Variants in MSH5 observed in about 807,000 individuals in gnomAD.
MSH5 encodes the protein mutS homolog 5.
MSH5 carries 78 observed loss-of-function variants against 107.7 expected under a neutral mutation model. The ratio of observed to expected loss-of-function variants is 0.72; its 90% CI spans 0.60 to 0.87. MSH5 has a LOEUF of 0.87. MSH5 is among the 40% of genes least tolerant of loss of function. MSH5 has a pLI of 0.00. For synonymous variants in MSH5, 326 were observed against 399.5 expected (o/e 0.82, Z 2.19); for missense variants, 889 against 1,046.6 (o/e 0.85, Z 2.08).
Position 31,758,238 on chromosome 6 carries a change from T to C in MSH5, c.1088T>C (p.Ile363Thr). The C allele has an allele frequency of 6.2e-7, 1 of 1,613,036 alleles. No homozygotes were observed. Among genetic ancestry groups the C allele is most frequent in the Non-Finnish European group, 8.5e-7 (1 of 1,180,032 alleles). Residue 363 changes from isoleucine to threonine, a missense_variant, in exon 13 of 25, where the codon ATT (isoleucine) becomes ACT (threonine). Ile to Thr is a moderately conservative substitution (Grantham distance 89). This residue lies in a region of MSH5 where 518 missense variants were observed against 565.0 expected (regional missense o/e 0.92). Transcript: ENST00000375750. This position sits in a 1 kb window ranked among gnomAD's most constrained non-coding sequence, Gnocchi z 5.1. ...LPQSIQLFRD[I>T]AQEFSDDLHH... ...CAGTCCATCCAGCTCTTTCGGGACA[T>C]TGCCCAAGAGTTCTCTGATGACCTG...
chr6:31,741,363 ACACACAC>A, intron 3 of MSH5, 77 bp downstream of exon 3: 1 of 1,377,400 alleles, frequency 7.3e-7, no homozygotes, highest in East Asian at 2.4e-5. Context: ...ACACACACAC[ACACACAC>A]ACACACACAC....
Position 31,761,120 on chromosome 6 carries a change from G to A in MSH5, c.1963-68G>A. On this transcript the variant is annotated intron_variant, in intron 20 of 24. Transcript: ENST00000375750. This position sits in a 1 kb window ranked among gnomAD's most constrained non-coding sequence, Gnocchi z 5.3. Reference sequence around the variant, plus strand: ...GGCATGTATACAGCTTTATTCACAGGCCAACTGTGGTCAGTGCGTTACGGG... The same window carrying A: ...GGCATGTATACAGCTTTATTCACAGACCAACTGTGGTCAGTGCGTTACGGG... 6.8e-7 allele frequency: 1 copy of A among 1,478,238 alleles called. No individual in the cohort carries two copies. Among genetic ancestry groups the A allele is most frequent in the Non-Finnish European group, 9.3e-7 (1 of 1,071,806 alleles). The allele number at this position is 1,478,238 out of a possible 1,614,324, so 91.6% of individuals were successfully genotyped here.
chr6:31,747,108 C>T (rs1017901563), intron 9 of MSH5, among the ~76,000 whole-genome samples: 24 of 152,192 alleles, frequency 1.6e-4, no homozygotes, highest in African/African-American at 5.3e-4. Context: ...CGTGAGCCAC[C>T]GTGCCTGGCC....
chr6:31,752,029 G>A (rs1015341604), intron 10 of MSH5, among the ~76,000 whole-genome samples: 1 of 152,064 alleles, frequency 6.6e-6, no homozygotes, highest in Non-Finnish European at 1.5e-5. Context: ...AGCCTGTGAG[G>A]CAGAGGTTGC....
intron 12 of MSH5, chr6:31,757,836 A>AT (rs5875332): frequency 0.081 from 32,108 of 394,148 alleles, 1,882 homozygotes; most frequent in African/African-American, 0.2. Context: ...AGCCCAGTTA[A>AT]TTTTTGTATT....
At chr6:31,741,059 C>A in intron 2 of MSH5, 104 bp from the exon 3 acceptor site, 1 of 1,409,508 alleles carries the variant, frequency 7.1e-7, no homozygotes, top group East Asian at 2.3e-5. Flanking sequence ...GGTGATGATG[C>A]CTATCTCAGA....
intron 12 of MSH5, among the ~76,000 whole-genome samples, chr6:31,754,715 C>T (rs1425437716): frequency 6.6e-6 from 1 of 151,160 alleles, no homozygotes; most frequent in East Asian, 1.9e-4. Flanking sequence ...GCCATTATAT[C>T]ATTTCATCCA....
intron 12 of MSH5, chr6:31,753,888 G>T: frequency 2.5e-6 from 1 of 407,686 alleles, no homozygotes; most frequent in Non-Finnish European, 4.6e-6. Context: ...ACCATGCCTG[G>T]CAAATTTTTG....
At chr6:31,750,867 T>C (rs1015183466) in intron 10 of MSH5, among the ~76,000 whole-genome samples, 3 of 152,202 alleles carry the variant, frequency 2.0e-5, no homozygotes, top group East Asian at 3.8e-4. Context: ...CCTTAGTACT[T>C]GTTCTATGTA....
chr6:31,761,932 A>G lies in MSH5; in HGVS notation c.2296A>G (p.Lys766Glu), dbSNP rs781259202. Residue 766 changes from lysine to glutamate, a missense_variant, in exon 23 of 25, where the codon AAG becomes GAG. Lys to Glu is a moderately conservative substitution (Grantham distance 56). Coordinates refer to ENST00000375750, the MANE Select transcript of MSH5 (RefSeq NM_172166.4). The surrounding 1 kb of genome is among the most constrained non-coding windows in gnomAD (Gnocchi z 5.3). ...AGCTGCCCAGGCTGGGCTTCCTGACAAGCTTGTGGCTCGTGGCAAGGAGGT... is the reference window on the plus strand; with the variant it reads ...AGCTGCCCAGGCTGGGCTTCCTGACGAGCTTGTGGCTCGTGGCAAGGAGGT... ...HTAAQAGLPD[K>E]LVARGKEVSD... The G allele has an allele frequency of 1.2e-6, 2 of 1,613,798 alleles. No homozygotes were observed. Among genetic ancestry groups the G allele is most frequent in the Non-Finnish European group, 1.7e-6 (2 of 1,180,022 alleles).
intron 12 of MSH5, among the ~76,000 whole-genome samples, chr6:31,754,212 C>T (rs1404432487): frequency 3.3e-5 from 5 of 150,658 alleles, no homozygotes; most frequent in African/African-American, 7.4e-5. Flanking sequence ...TGCAGTGGTG[C>T]GATCTCGGCT....
chr6:31,741,101 A>G (rs914521796), intron 2 of MSH5, 62 bp from the exon 3 acceptor site: 2 of 1,576,980 alleles, frequency 1.3e-6, no homozygotes, highest in South Asian at 1.1e-5. Context: ...TATATAAGAC[A>G]TGGTAAACCC....
At chr6:31,762,310 A>G in intron 24 of MSH5, 110 bp from the exon 25 acceptor site, 1 of 1,364,936 alleles carries the variant, frequency 7.3e-7, no homozygotes, top group Non-Finnish European at 1.0e-6. Flanking sequence ...TCTTTCTGAA[A>G]TCCCTAAATC....
chr6:31,747,524 CACAT>C (rs1308410928), intron 10 of MSH5, 92 bp downstream of exon 10: 18 of 1,295,260 alleles, frequency 1.4e-5, no homozygotes, highest in Non-Finnish European at 2.0e-5. Flanking sequence ...TACAGATTCT[CACAT>C]ACACCACCCC....
intron 8 of MSH5, 40 bp from the exon 9 acceptor site, chr6:31,745,197 A>C: frequency 1.5e-6 from 2 of 1,301,386 alleles, no homozygotes; most frequent in Non-Finnish European, 2.2e-6. Flanking sequence ...TCCCTTCAAA[A>C]GTCCAAGTTA....
intron 3 of MSH5, 115 bp downstream of exon 3, chr6:31,741,401 CAG>C: frequency 1.5e-6 from 2 of 1,378,906 alleles, no homozygotes; most frequent in African/African-American, 1.4e-5. Flanking sequence ...TTTTTCTAGA[CAG>C]AGTCTTGCTC....
At chr6:31,741,081 A>G (rs1448506100) in intron 2 of MSH5, 82 bp from the exon 3 acceptor site, 18 of 1,522,142 alleles carry the variant, frequency 1.2e-5, no homozygotes, top group Non-Finnish European at 1.6e-5. Context: ...ATTTGAGAAA[A>G]TGATTAAATT....
At chr6:31,744,401 A>G in intron 7 of MSH5, 102 bp downstream of exon 7, 1 of 1,559,518 alleles carries the variant, frequency 6.4e-7, no homozygotes, top group Admixed American at 1.7e-5. Flanking sequence ...CCAGTGGGTC[A>G]AGTGCTCTAG....
At chr6:31,743,693 T>C (rs1309785537) in intron 5 of MSH5, among the ~76,000 whole-genome samples, 1 of 152,228 alleles carries the variant, frequency 6.6e-6, no homozygotes, top group African/African-American at 2.4e-5. Context: ...CAGGCTGTGC[T>C]TTCAGACAAG....
Sources: allele counts gnomAD v4.1 joint callset (sites outside exome capture counted in the v4.1 genomes callset), GRCh38; gene constraint gnomAD v4.1.1; regional missense constraint gnomAD v4.1.1; non-coding constraint Gnocchi (gnomAD v3.1); transcripts MANE v1.5; gene names NCBI Gene and HGNC (gene_info 2026-07-23, HGNC 2026-07-21).